Variants in PHLPP1 observed in about 807,000 individuals in gnomAD.
PHLPP1 encodes the protein PH domain leucine-rich repeat-containing protein phosphatase 1.
In PHLPP1, 42 loss-of-function variants were observed where a neutral mutation model predicts 117.2. That is an observed-to-expected ratio of 0.36 (90% CI 0.28 to 0.46). The LOEUF is 0.46. PHLPP1 is among the 20% of genes least tolerant of loss of function. The probability of loss-of-function intolerance (pLI) is 1.00; values close to 1 mark genes in which losing one functional copy is unlikely to be tolerated. For synonymous variants in PHLPP1, 1,042 were observed against 970.7 expected, an observed-to-expected ratio of 1.07 and a Z score of -1.37; for missense variants, 2,084 against 2,241.9, an observed-to-expected ratio of 0.93 and a Z score of 1.42.
chr18:62,978,159 T>G lies in PHLPP1; in HGVS notation c.3985-103T>G. On this transcript the variant is annotated intron_variant, in intron 16 of 16. Transcript: ENST00000262719. The surrounding 1 kb of genome is among the most constrained non-coding windows in gnomAD (Gnocchi z 7.0). ...CTCTGTGGGCCACACAGCACTTCTC[T>G]GTGGTCCTACAGTCGAGACAGTCGA... The G allele has an allele frequency of 4.6e-6, 3 of 648,906 alleles. No individual in the cohort carries two copies. The highest frequency in any genetic ancestry group is 5.6e-5 in the Admixed American group (2 of 36,020). 40.2% of individuals were successfully genotyped at this position (648,906 alleles called of 1,614,324 possible).
At chr18:62,952,057 A>T (rs985128578) in intron 12 of PHLPP1, among the ~76,000 whole-genome samples, 3 of 151,836 alleles carry the variant, frequency 2.0e-5, no homozygotes, top group Non-Finnish European at 4.4e-5. Flanking sequence ...TGACCTCATG[A>T]TCCACCCGCC....
At chr18:62,926,474 G>C (rs1341855191) in intron 10 of PHLPP1, among the ~76,000 whole-genome samples, 5 of 152,106 alleles carry the variant, frequency 3.3e-5, no homozygotes, top group African/African-American at 1.2e-4. Flanking sequence ...GACTGCTTTG[G>C]TCATCTTTGC....
chr18:62,971,066 C>T (rs530766651), intron 14 of PHLPP1, among the ~76,000 whole-genome samples: 16 of 152,312 alleles, frequency 1.1e-4, no homozygotes, highest in Non-Finnish European at 1.9e-4. Flanking sequence ...TCCACTGTCT[C>T]CTACCAGGTT....
chr18:62,781,196 T>C (rs565115561), intron 1 of PHLPP1, among the ~76,000 whole-genome samples: 2 of 152,318 alleles, frequency 1.3e-5, no homozygotes, highest in East Asian at 3.9e-4. Context: ...TTGGGAGAGC[T>C]TAAGTAAATT....
At chr18:62,828,987 A>G (rs533447309) in intron 1 of PHLPP1, among the ~76,000 whole-genome samples, 1 of 152,322 alleles carries the variant, frequency 6.6e-6, no homozygotes, top group South Asian at 2.1e-4. Context: ...TGTCAATCAC[A>G]GTAGTTCTCC....
intron 1 of PHLPP1, among the ~76,000 whole-genome samples, chr18:62,742,521 C>T (rs1186833178): frequency 1.3e-5 from 2 of 152,260 alleles, no homozygotes; most frequent in East Asian, 1.9e-4. Context: ...CTGCAACTTC[C>T]GCCTCCCGGG....
intron 10 of PHLPP1, among the ~76,000 whole-genome samples, chr18:62,926,687 G>A (rs1168327822): frequency 6.6e-6 from 1 of 152,062 alleles, no homozygotes. Flanking sequence ...GAATATCTCC[G>A]AGTTGAAGTT....
chr18:62,715,770 G>A lies in PHLPP1; in HGVS notation c.87G>A (p.Ala29=). The change falls in exon 1 of 17, where the codon GCG becomes GCA. Residue 29 remains alanine, a synonymous_variant. Transcript: ENST00000262719. ...DRASAPAAAA[A]AAAAAAAAAA... ...CTTCGGCTCCGGCGGCCGCCGCTGC[G>A]GCAGCAGCAGCAGCAGCGGCGGCCG... The A allele has an allele frequency of 4.2e-6, 4 of 948,734 alleles. No homozygotes were observed. The highest frequency in any genetic ancestry group is 5.3e-5 in the Admixed American group (1 of 18,718). 58.8% of individuals were successfully genotyped at this position (948,734 alleles called of 1,614,324 possible).
At chr18:62,858,482 G>A (rs1033223236) in intron 3 of PHLPP1, among the ~76,000 whole-genome samples, 4 of 152,020 alleles carry the variant, frequency 2.6e-5, no homozygotes, top group Non-Finnish European at 5.9e-5. Flanking sequence ...AGGCTGGTCT[G>A]GAACTTCTGA....
At chr18:62,956,597 TA>T (rs1278050174) in intron 12 of PHLPP1, among the ~76,000 whole-genome samples, 1 of 152,032 alleles carries the variant, frequency 6.6e-6, no homozygotes, top group Non-Finnish European at 1.5e-5. Context: ...TTAAGGCTTT[TA>T]AAAAATATAT....
chr18:62,914,147 C>T (rs891898919), intron 8 of PHLPP1, among the ~76,000 whole-genome samples: 1 of 152,104 alleles, frequency 6.6e-6, no homozygotes, highest in Admixed American at 6.6e-5. Context: ...TTTTCACTGC[C>T]ACCATTTTAA....
intron 5 of PHLPP1, 139 bp downstream of exon 5, chr18:62,895,296 G>GAACTCCATACGGACTACA: frequency 1.3e-6 from 1 of 783,404 alleles, no homozygotes; most frequent in Non-Finnish European, 2.0e-6. Context: ...CAGGGACTAT[G>GAACTCCATACGGACTACA]TAGTCCGTAT....
rs760142289 is a variant in PHLPP1 at position 62,979,661 on chromosome 18, C to G, written c.*230C>G. 1 of 567,708 alleles carries G rather than the reference C, an allele frequency of 1.8e-6. No individual in the cohort carries two copies. The highest frequency in any genetic ancestry group is 3.1e-6 in the Non-Finnish European group (1 of 321,374). The allele number at this position is 567,708 out of a possible 1,614,324, so 35.2% of individuals were successfully genotyped here. On this transcript the variant is annotated 3_prime_UTR_variant, in exon 17 of 17. Transcript: ENST00000262719. The stretch of plus-strand genomic sequence containing the variant: ...ATATGATTTACATTTGTTAACTTCT[C>G]CCCCTAACATATCAGATATGTAAAG...
chr18:62,787,328 T>C (rs1342091688), intron 1 of PHLPP1, among the ~76,000 whole-genome samples: 2 of 152,032 alleles, frequency 1.3e-5, no homozygotes, highest in Admixed American at 6.6e-5. Flanking sequence ...CGCTACTGCC[T>C]GGCTAATTTT....
intron 10 of PHLPP1, among the ~76,000 whole-genome samples, chr18:62,930,436 G>C (rs1909774277): frequency 2.0e-5 from 3 of 149,268 alleles, no homozygotes; most frequent in African/African-American, 7.5e-5. Flanking sequence ...TCTTGTATCA[G>C]ATAAAACAGA....
intron 1 of PHLPP1, among the ~76,000 whole-genome samples, chr18:62,810,084 T>G (rs1914067886): frequency 6.6e-6 from 1 of 152,232 alleles, no homozygotes; most frequent in Non-Finnish European, 1.5e-5. Flanking sequence ...CTTGTTTAAC[T>G]TAGAGCTGAA....
rs117201674 is a variant in PHLPP1, at chr18:62,932,049, A to G, written c.2961-9669A>G. Among the ~76,000 whole-genome samples, 1,082 of 152,276 alleles carry G rather than the reference A, an allele frequency of 7.1e-3. 7 individuals carry two copies. Among genetic ancestry groups the G allele is most frequent in the Non-Finnish European group, 0.01 (709 of 68,030 alleles). On this transcript the variant is annotated intron_variant, in intron 10 of 16. Transcript: ENST00000262719. ...AATGGATAAATCCCTGGAAACACAC[A>G]GCTTCCCAAGGTTGAACCAGGAAGA...
chr18:62,933,885 A>G (rs1351894084), intron 10 of PHLPP1, among the ~76,000 whole-genome samples: 2 of 152,022 alleles, frequency 1.3e-5, no homozygotes, highest in Non-Finnish European at 2.9e-5. Flanking sequence ...AACTTAAATA[A>G]GAAAGAAACA....
intron 11 of PHLPP1, among the ~76,000 whole-genome samples, chr18:62,943,780 AG>A (rs1296543339): frequency 6.6e-6 from 1 of 152,156 alleles, no homozygotes; most frequent in African/African-American, 2.4e-5. Flanking sequence ...TGAGATTTGG[AG>A]GGGACAAATA....
Sources: allele counts gnomAD v4.1 joint callset (sites outside exome capture counted in the v4.1 genomes callset), GRCh38; gene constraint gnomAD v4.1.1; non-coding constraint Gnocchi (gnomAD v3.1); transcripts MANE v1.5; gene names NCBI Gene and HGNC (gene_info 2026-07-23, HGNC 2026-07-21).